Variants in IRGM observed in about 807,000 individuals in gnomAD.
IRGM encodes the protein immunity-related GTPase family M protein.
For missense variants in IRGM, 288 were observed against 219.9 expected, an observed-to-expected ratio of 1.31 and a Z score of -1.96; for synonymous variants, 98 against 80.6, an observed-to-expected ratio of 1.22 and a Z score of -1.16.
intron 3 of IRGM, chr5:150,895,354 T>C: frequency 8.1e-7 from 1 of 1,238,682 alleles, no homozygotes; most frequent in Non-Finnish European, 1.1e-6. Flanking sequence ...CCCAAGCTTA[T>C]CAAATTAATT....
chr5:150,860,805 C>T, intron 1 of IRGM, among the ~76,000 whole-genome samples: 1 of 152,224 alleles, frequency 6.6e-6, no homozygotes, highest in East Asian at 1.9e-4. Flanking sequence ...TGCTACCTGC[C>T]TTGCTCACTG....
intron 3 of IRGM, chr5:150,895,606 C>A: frequency 6.2e-7 from 1 of 1,613,380 alleles, no homozygotes; most frequent in Non-Finnish European, 8.5e-7. Flanking sequence ...GGTTTCTCTC[C>A]TGTATGAATT....
At chr5:150,892,441 CT>C (rs1265599734) in intron 3 of IRGM, among the ~76,000 whole-genome samples, 1 of 152,006 alleles carries the variant, frequency 6.6e-6, no homozygotes, top group Non-Finnish European at 1.5e-5. Flanking sequence ...TTTGCAAAAC[CT>C]GTTTATTAGG....
intron 3 of IRGM, among the ~76,000 whole-genome samples, chr5:150,899,734 T>C (rs1027164340): frequency 2.6e-5 from 4 of 152,132 alleles, no homozygotes; most frequent in Admixed American, 6.5e-5. Context: ...GGAGGGAACA[T>C]TGACTATTTT....
chr5:150,886,818 CCTAT>C (rs1027446983), intron 3 of IRGM, among the ~76,000 whole-genome samples: 1 of 151,634 alleles, frequency 6.6e-6, no homozygotes, highest in Non-Finnish European at 1.5e-5. Flanking sequence ...TAGCTAGTGA[CCTAT>C]CTTTCTTTTC....
intron 3 of IRGM, among the ~76,000 whole-genome samples, chr5:150,898,753 G>A (rs1239964349): frequency 1.3e-5 from 2 of 151,946 alleles, no homozygotes; most frequent in Non-Finnish European, 2.9e-5. Flanking sequence ...AATACATATA[G>A]TAATTTCATA....
rs377165112 is a variant in IRGM at position 150,874,451 on chromosome 5, G to A, written c.159-3529G>A. On this transcript the variant is annotated intron_variant and NMD_transcript_variant, in intron 1 of 3. Transcript: ENST00000520549. ...AGGAGTTCAGTGGTTGGGGCCTGTC[G>A]AGATATTCCTTCTAAGGTGAAGGAT... is the stretch of plus-strand genomic sequence containing the variant. Among the ~76,000 whole-genome samples, 29 of 152,278 alleles carry A rather than the reference G, an allele frequency of 1.9e-4. No homozygotes were observed. In the Middle Eastern group the frequency reaches 0.02, roughly 107 times the overall value.
chr5:150,895,493 A>G, intron 3 of IRGM: 1 of 1,613,400 alleles, frequency 6.2e-7, no homozygotes, highest in Non-Finnish European at 8.5e-7. Flanking sequence ...AGGCCTTCCC[A>G]CATATAGCAC....
At chr5:150,861,408 C>T (rs1027226282) in intron 1 of IRGM, among the ~76,000 whole-genome samples, 2 of 152,116 alleles carry the variant, frequency 1.3e-5, no homozygotes, top group African/African-American at 4.8e-5. Context: ...GGAAGTAGCA[C>T]AAAATTACTT....
chr5:150,859,478 G>A (rs376865695), intron 1 of IRGM, among the ~76,000 whole-genome samples: 4 of 151,962 alleles, frequency 2.6e-5, no homozygotes, highest in East Asian at 3.9e-4. Flanking sequence ...TTTTCTATTG[G>A]TTGGAATAGT....
chr5:150,853,769 C>G (rs1306404367), intron 1 of IRGM, among the ~76,000 whole-genome samples: 1 of 152,036 alleles, frequency 6.6e-6, no homozygotes, highest in African/African-American at 2.4e-5. Context: ...TCTCTTTCCA[C>G]CCTTCCACTT....
intron 3 of IRGM, among the ~76,000 whole-genome samples, chr5:150,893,819 TA>T (rs1385716870): frequency 6.6e-6 from 1 of 152,134 alleles, no homozygotes; most frequent in Admixed American, 6.6e-5. Context: ...ATAGTATTTT[TA>T]TTTCTGTTAT....
At position 150,848,216 on chromosome 5, in the gene IRGM, G is replaced by A. The variant is rs917185507; in HGVS notation, c.93G>A (p.Arg31=). The change falls in exon 2 of 2, where the codon AGG becomes AGA. Residue 31 remains arginine, a synonymous_variant. Coordinates refer to ENST00000522154, the MANE Select transcript of IRGM (RefSeq NM_001145805.2). ...AGGAGACTCTGAAGATAGTGTCCAG[G>A]ACACCAGTTAACATCACTATGGCAG... ...NIKETLKIVS[R]TPVNITMAGD... 2.0e-5 allele frequency: 31 copies of A among 1,551,672 alleles called. No homozygotes were observed. The highest frequency in any genetic ancestry group is 5.9e-5 in the Admixed American group (3 of 50,984).
chr5:150,856,456 A>G, intron 1 of IRGM, among the ~76,000 whole-genome samples: 1 of 151,668 alleles, frequency 6.6e-6, no homozygotes, highest in Non-Finnish European at 1.5e-5. Context: ...AATAAAAATT[A>G]TAAAATAAAA....
intron 3 of IRGM, chr5:150,897,061 G>A (rs1754818267): frequency 2.9e-6 from 3 of 1,030,516 alleles, no homozygotes; most frequent in Non-Finnish European, 4.2e-6. Flanking sequence ...ATCCAACATA[G>A]TAGATGAACT....
chr5:150,880,368 T>G (rs1754427001), intron 3 of IRGM, among the ~76,000 whole-genome samples: 1 of 152,196 alleles, frequency 6.6e-6, no homozygotes, highest in Non-Finnish European at 1.5e-5. Flanking sequence ...TTGTAGAAAT[T>G]TATGCTTAAA....
chr5:150,848,462 T>C lies in IRGM; in HGVS notation c.339T>C (p.Tyr113=), dbSNP rs748278040. The change falls in exon 2 of 2, where the codon TAT becomes TAC. Residue 113 remains tyrosine, a synonymous_variant. Transcript: ENST00000522154. ...NYLMEMQFNR[Y]DFIMVASAQF... ...TGATGGAAATGCAGTTCAACCGGTA[T>C]GACTTCATCATGGTTGCATCTGCAC... 38 of 1,551,708 alleles carry C rather than the reference T, an allele frequency of 2.4e-5. No individual in the cohort carries two copies. The highest frequency in any genetic ancestry group is 2.7e-5 in the Non-Finnish European group (31 of 1,146,962).
chr5:150,889,948 A>T (rs955292011), intron 3 of IRGM, among the ~76,000 whole-genome samples: 9 of 152,150 alleles, frequency 5.9e-5, no homozygotes, highest in African/African-American at 2.2e-4. Context: ...TTGCATCAAT[A>T]GTTATGAGGG....
At chr5:150,870,404 C>T (rs1754266470) in intron 1 of IRGM, among the ~76,000 whole-genome samples, 1 of 151,808 alleles carries the variant, frequency 6.6e-6, no homozygotes. Context: ...CTTTATGGGT[C>T]AAACCAGTAA....
Sources: gnomAD v4.1 joint callset for allele counts (sites outside exome capture counted in the v4.1 genomes callset) on GRCh38, gnomAD v4.1.1 for gene constraint, MANE v1.5 for transcripts, NCBI Gene and HGNC (gene_info 2026-07-23, HGNC 2026-07-21) for gene names.